The following KCNIP4 variants were observed in gnomAD, a reference collection of about 807,000 sequenced individuals.
KCNIP4 encodes the protein Kv channel-interacting protein 4.
A neutral mutation model predicts 34.0 loss-of-function variants in KCNIP4; 12 were observed. The ratio of observed to expected loss-of-function variants is 0.35; its 90% CI spans 0.23 to 0.57. The LOEUF (loss-of-function observed/expected upper bound fraction) is 0.57, where lower values mean the gene tolerates loss of function less well. KCNIP4 is among the 20% of genes least tolerant of loss of function. KCNIP4 has a pLI of 0.83. For synonymous variants in KCNIP4, 124 were observed against 102.2 expected (o/e 1.21, Z -1.29); for missense variants, 238 against 311.7 (o/e 0.76, Z 1.78).
intron 1 of KCNIP4, among the ~76,000 whole-genome samples, chr4:21,023,360 A>G (rs907896957): frequency 6.6e-6 from 1 of 152,180 alleles, no homozygotes; most frequent in Non-Finnish European, 1.5e-5. Flanking sequence ...AAAATAAAAA[A>G]TTCACTAGCA....
rs144804777 is a variant in KCNIP4 at position 21,552,288 on chromosome 4, A to T, written c.61+396283T>A. Among the ~76,000 whole-genome samples the T allele has an allele frequency of 7.3e-3, 1,108 of 152,200 alleles. 14 individuals are homozygous for T. The highest frequency in any genetic ancestry group is 0.025 in the South Asian group (121 of 4,830). Reference sequence around the variant, plus strand: ...TACAGACACAAGATCTTGAAATGAAACTGTTGATTAATTTATTTACTCAGT... The same window carrying T: ...TACAGACACAAGATCTTGAAATGAATCTGTTGATTAATTTATTTACTCAGT... On this transcript the variant is annotated intron_variant, in intron 1 of 8. Transcript: ENST00000382152.
chr4:21,934,142 G>A lies in KCNIP4; in HGVS notation c.61+14429C>T, dbSNP rs1026771939. Among the ~76,000 whole-genome samples the A allele has an allele frequency of 3.3e-5, 5 of 152,010 alleles. No homozygotes were observed. In the East Asian group the frequency reaches 9.7e-4, roughly 29 times the overall value. On this transcript the variant is annotated intron_variant, in intron 1 of 8. Transcript: ENST00000382152. ...CAGGTGCATGATCAAGCAGTGGAGG[G>A]AAGGGAGTATGAGCAGCTATGCAAA...
chr4:21,017,865 C>T (rs1008994529), intron 1 of KCNIP4, among the ~76,000 whole-genome samples: 2 of 152,128 alleles, frequency 1.3e-5, no homozygotes, highest in Admixed American at 6.6e-5. Flanking sequence ...TGCTTCTTGA[C>T]TTTTTAATAA....
intron 1 of KCNIP4, among the ~76,000 whole-genome samples, chr4:21,383,554 T>C (rs919850648): frequency 4.0e-5 from 6 of 151,204 alleles, no homozygotes; most frequent in Non-Finnish European, 7.4e-5. Flanking sequence ...TGCATGCAAT[T>C]ACTCATGCAA....
rs140818113 is a variant in KCNIP4 at position 20,814,517 on chromosome 4, G to A, written c.288+36026C>T. Reference sequence around the variant, plus strand: ...TGAACTCAGGTGCTAGACGTTCCTGGGTTTATTCTAGGCTCTGCCTCATAT... The same window carrying A: ...TGAACTCAGGTGCTAGACGTTCCTGAGTTTATTCTAGGCTCTGCCTCATAT... On this transcript the variant is annotated intron_variant, in intron 3 of 8. Transcript: ENST00000382152. Among the ~76,000 whole-genome samples the A allele has an allele frequency of 5.3e-5, 8 of 152,250 alleles. No individual in the cohort carries two copies. The East Asian group carries it at 1.5e-3, about 29-fold the overall frequency.
At chr4:21,442,700 A>G (rs1727596605) in intron 1 of KCNIP4, among the ~76,000 whole-genome samples, 1 of 152,190 alleles carries the variant, frequency 6.6e-6, no homozygotes, top group East Asian at 1.9e-4. Flanking sequence ...TCCGCCTCTC[A>G]ACACTTGAGT....
chr4:21,112,962 T>C lies in KCNIP4; in HGVS notation c.62-230253A>G, dbSNP rs560923477. Among the ~76,000 whole-genome samples, 42 of 152,354 alleles carry C rather than the reference T, an allele frequency of 2.8e-4. No individual in the cohort carries two copies. In the South Asian group the frequency reaches 8.1e-3, roughly 29 times the overall value. On this transcript the variant is annotated intron_variant, in intron 1 of 8. Transcript: ENST00000382152. ...TTTAGAGATCAGATTGTATTCGCTT[T>C]CTAGTTTTTCTAAGATTGTAAACCC...
chr4:21,489,398 T>C (rs909174013), intron 1 of KCNIP4, among the ~76,000 whole-genome samples: 2 of 151,940 alleles, frequency 1.3e-5, no homozygotes, highest in African/African-American at 4.8e-5. Context: ...CCTTGCCATG[T>C]TGAGTTCTCC....
At chr4:21,772,754 A>G (rs57329498) in intron 1 of KCNIP4, among the ~76,000 whole-genome samples, 22,585 of 152,022 alleles carry the variant, frequency 0.15, 5,641 homozygotes, top group African/African-American at 0.51. Context: ...ATTTCTGTGC[A>G]GTCAGTGACG....
chr4:21,533,408 G>A (rs1349717371), intron 1 of KCNIP4, among the ~76,000 whole-genome samples: 3 of 152,018 alleles, frequency 2.0e-5, no homozygotes, highest in African/African-American at 2.4e-5. Flanking sequence ...AAGACTAAAA[G>A]AGTCAAATAT....
intron 1 of KCNIP4, among the ~76,000 whole-genome samples, chr4:21,297,760 G>T (rs1763924892): frequency 1.4e-5 from 2 of 141,148 alleles, no homozygotes; most frequent in South Asian, 2.3e-4. Flanking sequence ...ATTTTTCTGG[G>T]TTCACTATAG....
At chr4:21,551,167 C>A (rs1326940254) in intron 1 of KCNIP4, among the ~76,000 whole-genome samples, 2 of 151,980 alleles carry the variant, frequency 1.3e-5, no homozygotes, top group Non-Finnish European at 2.9e-5. Context: ...ATATAAAAAA[C>A]AGAAAATAAA....
chr4:20,744,232 C>T (rs945381704), intron 5 of KCNIP4, among the ~76,000 whole-genome samples: 1 of 152,170 alleles, frequency 6.6e-6, no homozygotes, highest in Admixed American at 6.5e-5. Context: ...CTAGAAATAC[C>T]ATTTGACCCA....
chr4:20,828,068 C>T (rs960306611), intron 3 of KCNIP4, among the ~76,000 whole-genome samples: 2 of 152,160 alleles, frequency 1.3e-5, no homozygotes, highest in Non-Finnish European at 2.9e-5. Flanking sequence ...TTGGAAACTA[C>T]AATTTCCTCA....
At chr4:21,441,319 A>AT (rs1190751602) in intron 1 of KCNIP4, among the ~76,000 whole-genome samples, 7 of 149,824 alleles carry the variant, frequency 4.7e-5, no homozygotes, top group Non-Finnish European at 1.0e-4. Context: ...TTTTTTTTTT[A>AT]TTTTTAGTAG....
chr4:21,247,268 A>G (rs897943681), intron 1 of KCNIP4, among the ~76,000 whole-genome samples: 1 of 152,038 alleles, frequency 6.6e-6, no homozygotes, highest in Non-Finnish European at 1.5e-5. Context: ...ATTACTGTAC[A>G]TTTCTCATTG....
intron 1 of KCNIP4, among the ~76,000 whole-genome samples, chr4:21,255,296 C>T (rs555782465): frequency 9.9e-5 from 15 of 152,082 alleles, no homozygotes; most frequent in African/African-American, 2.7e-4. Flanking sequence ...TACCCCACTT[C>T]CAAGTAATAA....
chr4:21,258,387 T>C (rs897693211), intron 1 of KCNIP4, among the ~76,000 whole-genome samples: 2 of 152,152 alleles, frequency 1.3e-5, no homozygotes, highest in African/African-American at 4.8e-5. Context: ...CAAATTTACT[T>C]TATCATGTAT....
intron 1 of KCNIP4, among the ~76,000 whole-genome samples, chr4:21,586,630 A>G (rs962441439): frequency 6.6e-6 from 1 of 152,096 alleles, no homozygotes; most frequent in Non-Finnish European, 1.5e-5. Flanking sequence ...TTTATTGAAG[A>G]CTCTTGACAA....
Sources: gnomAD v4.1 joint callset for allele counts (sites outside exome capture counted in the v4.1 genomes callset) on GRCh38, gnomAD v4.1.1 for gene constraint, MANE v1.5 for transcripts, NCBI Gene and HGNC (gene_info 2026-07-23, HGNC 2026-07-21) for gene names.